The following SNX29 variants were observed in gnomAD, a reference collection of about 807,000 sequenced individuals.
SNX29 encodes sorting nexin-29.
Under a neutral mutation model 102.1 loss-of-function variants are expected in SNX29, and 78 were observed. That is an observed-to-expected ratio of 0.76 (90% CI 0.64 to 0.92). SNX29 has a LOEUF of 0.92. SNX29 is among the 40% of genes least tolerant of loss of function. SNX29 has a pLI of 0.00. For missense variants in SNX29, 1,280 were observed against 1,061.7 expected, an observed-to-expected ratio of 1.21 and a Z score of -2.86; for synonymous variants, 580 against 414.5, an observed-to-expected ratio of 1.40 and a Z score of -4.85.
intron 18 of SNX29, among the ~76,000 whole-genome samples, chr16:12,450,481 A>G (rs944837587): frequency 1.1e-4 from 16 of 152,238 alleles, no homozygotes; most frequent in African/African-American, 1.7e-4. Flanking sequence ...GCTGCACCCA[A>G]TCATAGGCAA....
chr16:12,380,838 C>CCATCTATCCAT (rs1567503369), intron 16 of SNX29, among the ~76,000 whole-genome samples: 2 of 52,868 alleles, frequency 3.8e-5, no homozygotes, highest in African/African-American at 1.0e-4. Flanking sequence ...CACCCACCCA[C>CCATCTATCCAT]CCACCCACCA....
chr16:12,414,959 A>C lies in SNX29; in HGVS notation c.2037+11430A>C, dbSNP rs577381637. ...GCTGGTCTCGAACTCCTAACCTCAA[A>C]TGATCCACCTGCCTCAGCCTCCCAA... On this transcript the variant is annotated intron_variant, in intron 18 of 20. Transcript: ENST00000566228. Among the ~76,000 whole-genome samples, 77 of 152,114 alleles carry C rather than the reference A, an allele frequency of 5.1e-4. 1 individual carries two copies. Among genetic ancestry groups the C allele is most frequent in the Non-Finnish European group, 9.7e-4 (66 of 68,014 alleles).
At chr16:12,036,227 G>A (rs574834177) in intron 4 of SNX29, among the ~76,000 whole-genome samples, 23 of 151,222 alleles carry the variant, frequency 1.5e-4, no homozygotes, top group African/African-American at 2.9e-4. Context: ...GGTGTGTGCC[G>A]CCACACTCGG....
chr16:12,403,925 C>T (rs1320812025), intron 18 of SNX29, among the ~76,000 whole-genome samples: 2 of 152,130 alleles, frequency 1.3e-5, no homozygotes, highest in Non-Finnish European at 2.9e-5. Flanking sequence ...CCTCTCAGGC[C>T]AGCTGTCCGT....
chr16:12,254,617 G>C (rs541926162), intron 14 of SNX29, among the ~76,000 whole-genome samples: 10 of 152,040 alleles, frequency 6.6e-5, no homozygotes, highest in African/African-American at 1.9e-4. Context: ...TTCCAGCCTG[G>C]GTGACAGAGC....
At position 12,548,141 on chromosome 16, in the gene SNX29, C is replaced by T. The variant is rs112120371; in HGVS notation, c.2319-20365C>T. ...TGGGACAAGTAGGAATTTTCTATCC[C>T]TGTTCATTCTTCATCTTGGCCACAC... On this transcript the variant is annotated intron_variant, in intron 20 of 20. Transcript: ENST00000566228. 7.5e-3 allele frequency among the ~76,000 whole-genome samples: 1,135 copies of T among 152,302 alleles called. 16 individuals are homozygous for T. Among genetic ancestry groups the T allele is most frequent in the African/African-American group, 0.026 (1,060 of 41,568 alleles).
chr16:12,561,385 C>T (rs1277268840), intron 20 of SNX29, among the ~76,000 whole-genome samples: 1 of 152,114 alleles, frequency 6.6e-6, no homozygotes, highest in Non-Finnish European at 1.5e-5. Flanking sequence ...AAGATGCTGG[C>T]CACATCCCCG....
chr16:12,536,726 TCAA>T (rs1192476283), intron 20 of SNX29, among the ~76,000 whole-genome samples: 7 of 152,116 alleles, frequency 4.6e-5, no homozygotes, highest in African/African-American at 1.7e-4. Flanking sequence ...GCCTGTAATC[TCAA>T]CACTTTGGGA....
At chr16:12,090,825 G>A (rs1249232354) in intron 11 of SNX29, among the ~76,000 whole-genome samples, 1 of 151,890 alleles carries the variant, frequency 6.6e-6, no homozygotes, top group Non-Finnish European at 1.5e-5. Flanking sequence ...GACCAGCCTG[G>A]CCAACATGGT....
rs373932410 is a variant in SNX29, at chr16:11,985,582, G to A, written c.7+8769G>A. ...AGCCGCTCCTCCATGGAGCGGGCTG[G>A]CCATGTGGTCATCCTGCAACCCATC... On this transcript the variant is annotated intron_variant, in intron 1 of 20. Transcript: ENST00000566228. 2.1e-4 allele frequency among the ~76,000 whole-genome samples: 32 copies of A among 152,314 alleles called. No homozygotes were observed. The East Asian group carries it at 2.7e-3, about 13-fold the overall frequency.
chr16:12,215,762 C>G (rs1475504458), intron 14 of SNX29, among the ~76,000 whole-genome samples: 3 of 152,220 alleles, frequency 2.0e-5, no homozygotes, highest in African/African-American at 4.8e-5. Context: ...CTCGTAATCT[C>G]ACTGTTTTGG....
chr16:12,032,923 T>C (rs529233979), intron 4 of SNX29, among the ~76,000 whole-genome samples: 33 of 152,142 alleles, frequency 2.2e-4, no homozygotes, highest in African/African-American at 7.5e-4. Flanking sequence ...AGTGTGATCT[T>C]GGCTCACTGT....
At chr16:12,510,657 A>G (rs2089574619) in intron 19 of SNX29, among the ~76,000 whole-genome samples, 1 of 151,932 alleles carries the variant, frequency 6.6e-6, no homozygotes, top group African/African-American at 2.4e-5. Context: ...TGGGCGACAG[A>G]GTGAGACTCT....
intron 18 of SNX29, among the ~76,000 whole-genome samples, chr16:12,424,404 G>A (rs1216833205): frequency 2.0e-5 from 3 of 152,138 alleles, no homozygotes; most frequent in Non-Finnish European, 4.4e-5. Context: ...ATTGAATAGG[G>A]AGGTTTTATC....
chr16:12,293,474 C>G (rs2079871542), intron 15 of SNX29, among the ~76,000 whole-genome samples: 1 of 152,196 alleles, frequency 6.6e-6, no homozygotes, highest in East Asian at 1.9e-4. Context: ...AGAGGTTAAG[C>G]TCATCGTTTC....
Position 12,571,993 on chromosome 16 carries a change from C to CCA in SNX29, c.*3365_*3366dup. 1 of 1,062,390 alleles carries CCA rather than the reference C, an allele frequency of 9.4e-7. No homozygotes were observed. Among genetic ancestry groups the CCA allele is most frequent in the Non-Finnish European group, 1.1e-6 (1 of 877,434 alleles). The allele number at this position is 1,062,390 out of a possible 1,614,324, so 65.8% of individuals were successfully genotyped here. On this transcript the variant is annotated 3_prime_UTR_variant, in exon 21 of 21. Transcript: ENST00000566228. ...TGGTAGCCATCTTCACATCCAGTCA[C>CCA]CAGTTGCATCTAGGGAGCTGCTGGC... is the stretch of plus-strand genomic sequence containing the variant.
At chr16:12,336,242 C>T (rs566971379) in intron 15 of SNX29, among the ~76,000 whole-genome samples, 2 of 152,286 alleles carry the variant, frequency 1.3e-5, no homozygotes, top group East Asian at 1.9e-4. Context: ...TTTGGTTTGG[C>T]GCTCACTGTA....
intron 14 of SNX29, among the ~76,000 whole-genome samples, chr16:12,212,801 A>G (rs1208866731): frequency 6.6e-6 from 1 of 152,200 alleles, no homozygotes; most frequent in Non-Finnish European, 1.5e-5. Flanking sequence ...CGTGGTATGT[A>G]TACATCATAC....
At chr16:12,192,967 G>C (rs2076681376) in intron 13 of SNX29, among the ~76,000 whole-genome samples, 1 of 152,168 alleles carries the variant, frequency 6.6e-6, no homozygotes. Context: ...CTCCCAAAGT[G>C]CTGGGATTAC....
Sources: allele counts gnomAD v4.1 joint callset (sites outside exome capture counted in the v4.1 genomes callset), GRCh38; gene constraint gnomAD v4.1.1; transcripts MANE v1.5; gene names NCBI Gene and HGNC (gene_info 2026-07-23, HGNC 2026-07-21).